The following SLC22A3 variants were observed in gnomAD, a reference collection of about 807,000 sequenced individuals.
The protein encoded by SLC22A3 is solute carrier family 22 member 3.
SLC22A3 carries 51 observed loss-of-function variants against 59.1 expected under a neutral mutation model. That is an observed-to-expected ratio of 0.86 (90% CI 0.69 to 1.09). SLC22A3 has a LOEUF of 1.09. Among genes scored for constraint, SLC22A3 ranks in the 50% least tolerant of loss-of-function variants. The pLI is 0.00. For missense variants in SLC22A3, 711 were observed against 726.3 expected (o/e 0.98, Z 0.24); for synonymous variants, 325 against 292.0 (o/e 1.11, Z -1.15).
intron 1 of SLC22A3, among the ~76,000 whole-genome samples, chr6:160,350,058 G>T (rs894225665): frequency 2.6e-5 from 4 of 152,188 alleles, no homozygotes; most frequent in African/African-American, 9.6e-5. Context: ...GTGCTGGTGT[G>T]TTCGCACAGT....
At chr6:160,398,685 C>T (rs1467745889) in intron 2 of SLC22A3, among the ~76,000 whole-genome samples, 2 of 152,124 alleles carry the variant, frequency 1.3e-5, no homozygotes, top group African/African-American at 4.8e-5. Context: ...ATTCTTCTTC[C>T]TTAAGATTAT....
At chr6:160,401,965 A>G (rs1009085000) in intron 2 of SLC22A3, among the ~76,000 whole-genome samples, 2 of 151,972 alleles carry the variant, frequency 1.3e-5, no homozygotes, top group African/African-American at 2.4e-5. Flanking sequence ...GAATACAAAC[A>G]TAAGAATAAA....
intron 2 of SLC22A3, among the ~76,000 whole-genome samples, chr6:160,398,509 G>A (rs1305534655): frequency 2.0e-5 from 3 of 151,688 alleles, no homozygotes; most frequent in Non-Finnish European, 2.9e-5. Flanking sequence ...TTTTTTAAAC[G>A]AAATCCTTGT....
At chr6:160,352,458 G>C (rs1208965175) in intron 1 of SLC22A3, among the ~76,000 whole-genome samples, 1 of 152,162 alleles carries the variant, frequency 6.6e-6, no homozygotes, top group African/African-American at 2.4e-5. Context: ...ACTGCCCAGG[G>C]AGTGTCTTCA....
chr6:160,452,058 T>C lies in SLC22A3; in HGVS notation c.*1002T>C, dbSNP rs1788988838. 6.6e-6 allele frequency: 1 copy of C among 152,226 alleles called. No individual in the cohort carries two copies. Among genetic ancestry groups the C allele is most frequent in the Non-Finnish European group, 1.5e-5 (1 of 68,038 alleles). The allele number at this position is 152,226 out of a possible 1,614,324, so 9.4% of individuals were successfully genotyped here. A position where few individuals can be genotyped will look rare whatever the true frequency, so the allele number is the denominator to read the frequency against. On this transcript the variant is annotated 3_prime_UTR_variant, in exon 11 of 11. Coordinates refer to ENST00000275300, the MANE Select transcript of SLC22A3 (RefSeq NM_021977.4). ...AAGAAAGATCAATTATATCCATGCT[T>C]AACAGGATCAGCAGGAGCTTTATAA... is the stretch of plus-strand genomic sequence containing the variant.
intron 1 of SLC22A3, among the ~76,000 whole-genome samples, chr6:160,387,364 G>A (rs1786063163): frequency 1.3e-5 from 2 of 152,258 alleles, no homozygotes; most frequent in African/African-American, 2.4e-5. Flanking sequence ...TCTGACCCCC[G>A]GCTTTTCTCC....
chr6:160,423,298 G>T (rs1169457894), intron 5 of SLC22A3, among the ~76,000 whole-genome samples: 3 of 152,314 alleles, frequency 2.0e-5, no homozygotes, highest in African/African-American at 7.2e-5. Context: ...ACATATGTGT[G>T]CATGTGCCTT....
At chr6:160,390,998 C>G (rs1336049642) in intron 1 of SLC22A3, among the ~76,000 whole-genome samples, 2 of 152,194 alleles carry the variant, frequency 1.3e-5, no homozygotes, top group Non-Finnish European at 2.9e-5. Context: ...CAATCTCTGT[C>G]TCTGGCTTCA....
In SLC22A3 at chr6:160,415,109, A is replaced by G. The variant is rs1787424949; in HGVS notation, c.975+4263A>G. Among the ~76,000 whole-genome samples the G allele has an allele frequency of 6.6e-6, 1 of 152,198 alleles. No homozygotes were observed. The highest frequency in any genetic ancestry group is 1.5e-5 in the Non-Finnish European group (1 of 68,030). On this transcript the variant is annotated intron_variant, in intron 5 of 10. Coordinates refer to ENST00000275300, the MANE Select transcript of SLC22A3 (RefSeq NM_021977.4). This position sits in a 1 kb window ranked among gnomAD's most constrained non-coding sequence, Gnocchi z 4.1. Reference sequence around the variant, plus strand: ...TTCAAACCGAACCTACCCATCTTTAATCTTTTTAATTGTACAGCGTAAGCA... The same window carrying G: ...TTCAAACCGAACCTACCCATCTTTAGTCTTTTTAATTGTACAGCGTAAGCA...
chr6:160,385,113 T>A (rs1785950632), intron 1 of SLC22A3, among the ~76,000 whole-genome samples: 1 of 152,240 alleles, frequency 6.6e-6, no homozygotes, highest in Non-Finnish European at 1.5e-5. Context: ...TTAATTGCTC[T>A]CATTTTGTCA....
At chr6:160,418,775 A>G (rs1317962326) in intron 5 of SLC22A3, among the ~76,000 whole-genome samples, 1 of 152,212 alleles carries the variant, frequency 6.6e-6, no homozygotes, top group Non-Finnish European at 1.5e-5. Flanking sequence ...CTCATAGAGA[A>G]TAGTAGGTTA....
intron 5 of SLC22A3, among the ~76,000 whole-genome samples, chr6:160,418,547 C>A (rs142803570): frequency 6.6e-6 from 1 of 152,256 alleles, no homozygotes; most frequent in East Asian, 1.9e-4. Flanking sequence ...CAGTTTTGTC[C>A]CTCTAGAGAA....
chr6:160,450,950 C>A, intron 10 of SLC22A3, 46 bp from the exon 11 acceptor site: 1 of 1,515,550 alleles, frequency 6.6e-7, no homozygotes, highest in Non-Finnish European at 9.0e-7. Context: ...CCTCTTCTAA[C>A]TAGTTACATA....
intron 1 of SLC22A3, among the ~76,000 whole-genome samples, chr6:160,368,678 C>T (rs1259009798): frequency 6.6e-6 from 1 of 152,172 alleles, no homozygotes; most frequent in Admixed American, 6.5e-5. Context: ...TTCCCAGGGT[C>T]TCTGATGACC....
intron 1 of SLC22A3, among the ~76,000 whole-genome samples, chr6:160,372,488 T>C (rs1352659253): frequency 6.6e-6 from 1 of 152,196 alleles, no homozygotes; most frequent in African/African-American, 2.4e-5. Context: ...GGGTTGCTCT[T>C]CTCAAGGAGT....
chr6:160,405,837 T>C (rs1311168766), intron 2 of SLC22A3, among the ~76,000 whole-genome samples: 2 of 151,982 alleles, frequency 1.3e-5, no homozygotes, highest in African/African-American at 2.4e-5. Flanking sequence ...CTACATACTA[T>C]AAGATTTTAA....
At chr6:160,426,177 C>A in intron 5 of SLC22A3, 1 of 985,432 alleles carries the variant, frequency 1.0e-6, no homozygotes, top group Non-Finnish European at 1.2e-6. Flanking sequence ...ACCTGACTTT[C>A]TCTGGAATAC....
chr6:160,426,332 TGGTTCTTGTTTTTTGAGG>T (rs1363836280), intron 5 of SLC22A3: 9 of 985,280 alleles, frequency 9.1e-6, no homozygotes, highest in Non-Finnish European at 1.1e-5. Context: ...CTTGTGGTTT[TGGTTCTTGTTTTTTGAGG>T]GGTGCAGAGT....
At chr6:160,450,710 G>T (rs1788921399) in intron 10 of SLC22A3, among the ~76,000 whole-genome samples, 1 of 152,006 alleles carries the variant, frequency 6.6e-6, no homozygotes, top group Non-Finnish European at 1.5e-5. Context: ...GTATTAATTT[G>T]GGGAACTGAT....
Sources: gnomAD v4.1 joint callset for allele counts (sites outside exome capture counted in the v4.1 genomes callset) on GRCh38, gnomAD v4.1.1 for gene constraint, Gnocchi (gnomAD v3.1) non-coding constraint, MANE v1.5 for transcripts, NCBI Gene and HGNC (gene_info 2026-07-23, HGNC 2026-07-21) for gene names.